Variants in PAWR observed in about 807,000 individuals in gnomAD.
PAWR encodes PRKC apoptosis WT1 regulator protein.
PAWR carries 23 observed loss-of-function variants against 32.0 expected under a neutral mutation model. The observed-to-expected ratio is 0.72, with a 90% CI of 0.52 to 1.02. The LOEUF is 1.02. Ranked by LOEUF, PAWR falls within the 50% of genes least tolerant of loss-of-function variation. The pLI, the probability that PAWR is intolerant of heterozygous loss-of-function variation, is 0.00. For synonymous variants in PAWR, 226 were observed against 187.1 expected (o/e 1.21, Z -1.70); for missense variants, 457 against 437.7 (o/e 1.04, Z -0.39).
intron 2 of PAWR, among the ~76,000 whole-genome samples, chr12:79,667,696 AT>A (rs1451582794): frequency 6.6e-6 from 1 of 152,204 alleles, no homozygotes. Flanking sequence ...GAATGGAGTA[AT>A]CTTTTAAAAA....
At chr12:79,657,681 C>T (rs898271243) in intron 2 of PAWR, among the ~76,000 whole-genome samples, 8 of 151,884 alleles carry the variant, frequency 5.3e-5, no homozygotes, top group African/African-American at 1.5e-4. Context: ...GTAGTCCCAG[C>T]GACTCGGGAG....
At chr12:79,644,207 T>C (rs1054812814) in intron 2 of PAWR, among the ~76,000 whole-genome samples, 1 of 152,164 alleles carries the variant, frequency 6.6e-6, no homozygotes, top group Non-Finnish European at 1.5e-5. Context: ...CTTGATCTCA[T>C]TTCAGGAGGA....
chr12:79,653,843 TTTAGAAAAATG>T (rs1299066192), intron 2 of PAWR, among the ~76,000 whole-genome samples: 3 of 152,244 alleles, frequency 2.0e-5, no homozygotes, highest in African/African-American at 7.2e-5. Context: ...AAATTCTTTT[TTTAGAAAAATG>T]TTAGACAAAC....
chr12:79,687,601 T>C lies in PAWR; in HGVS notation c.516+2128A>G, dbSNP rs142783865. On this transcript the variant is annotated intron_variant, in intron 2 of 6. Coordinates refer to ENST00000328827, the MANE Select transcript of PAWR (RefSeq NM_002583.4). The stretch of plus-strand genomic sequence containing the variant: ...TTACTTATTTTCATACCCGAAAAAT[T>C]TGCAAAATATGTATGACTTTTTAAA... Among the ~76,000 whole-genome samples, 494 of 152,232 alleles carry C rather than the reference T, an allele frequency of 3.2e-3. 5 individuals carry two copies. Among genetic ancestry groups the C allele is most frequent in the African/African-American group, 0.011 (442 of 41,542 alleles).
intron 2 of PAWR, among the ~76,000 whole-genome samples, chr12:79,652,074 G>A (rs1413949323): frequency 6.6e-6 from 1 of 152,148 alleles, no homozygotes; most frequent in Non-Finnish European, 1.5e-5. Flanking sequence ...GTAGAATGGT[G>A]GTTGGCCAGA....
intron 2 of PAWR, among the ~76,000 whole-genome samples, chr12:79,633,508 C>T (rs1359567335): frequency 6.6e-6 from 1 of 152,072 alleles, no homozygotes; most frequent in Admixed American, 6.6e-5. Context: ...ATAAAGTCAG[C>T]TGTTTGTTTT....
intron 4 of PAWR, among the ~76,000 whole-genome samples, chr12:79,612,158 T>C (rs1874469350): frequency 6.6e-6 from 1 of 152,154 alleles, no homozygotes; most frequent in African/African-American, 2.4e-5. Flanking sequence ...TTTTTCCAGT[T>C]TAAACTATTA....
intron 2 of PAWR, among the ~76,000 whole-genome samples, chr12:79,661,923 A>G (rs1427807536): frequency 6.6e-6 from 1 of 152,158 alleles, no homozygotes; most frequent in Non-Finnish European, 1.5e-5. Context: ...AAAATAAATA[A>G]AAACATCTCA....
intron 1 of PAWR, 187 bp downstream of exon 1, chr12:79,690,685 G>A (rs905860089): frequency 6.5e-6 from 1 of 153,512 alleles, no homozygotes; most frequent in Non-Finnish European, 1.4e-5. Context: ...ACTAGGGCTA[G>A]ACCCGCCACC....
intron 2 of PAWR, among the ~76,000 whole-genome samples, chr12:79,629,013 A>G (rs1875479720): frequency 6.6e-6 from 1 of 152,118 alleles, no homozygotes; most frequent in Non-Finnish European, 1.5e-5. Flanking sequence ...TTTAAAAGCC[A>G]ATCAAAGAGC....
chr12:79,615,178 T>A (rs1874666774), intron 3 of PAWR, among the ~76,000 whole-genome samples: 1 of 152,208 alleles, frequency 6.6e-6, no homozygotes, highest in African/African-American at 2.4e-5. Context: ...TACAGAAGCC[T>A]ATATCACTTA....
rs566855868 is a variant in PAWR, at chr12:79,648,799, A to T, written c.517-27592T>A. Among the ~76,000 whole-genome samples the T allele has an allele frequency of 2.0e-4, 30 of 151,702 alleles. 1 individual carries two copies. The highest frequency in any genetic ancestry group is 3.4e-3 in the Middle Eastern group (1 of 294). Reference sequence around the variant, plus strand: ...ATGGCTCTAACAGGGGCTAGAAAAAAAAAAATAAAAAAACCCTAAAAGGTC... The same window carrying T: ...ATGGCTCTAACAGGGGCTAGAAAAATAAAAATAAAAAAACCCTAAAAGGTC... On this transcript the variant is annotated intron_variant, in intron 2 of 6. Coordinates refer to ENST00000328827, the MANE Select transcript of PAWR (RefSeq NM_002583.4).
intron 2 of PAWR, among the ~76,000 whole-genome samples, chr12:79,685,020 G>A (rs775005576): frequency 1.3e-5 from 2 of 152,184 alleles, no homozygotes; most frequent in Non-Finnish European, 2.9e-5. Flanking sequence ...ATGCACTAAT[G>A]TATGTCAAGT....
intron 2 of PAWR, among the ~76,000 whole-genome samples, chr12:79,655,150 G>C (rs1877037237): frequency 6.6e-6 from 1 of 152,180 alleles, no homozygotes; most frequent in Non-Finnish European, 1.5e-5. Context: ...GTTAAGAATA[G>C]AATGTCAGGC....
chr12:79,613,620 A>T lies in PAWR; in HGVS notation c.649-11T>A, dbSNP rs750666643. 15 of 1,500,488 alleles carry T rather than the reference A, an allele frequency of 1.0e-5. No individual in the cohort carries two copies. In the Admixed American group the frequency reaches 1.5e-4, roughly 15 times the overall value. The allele number at this position is 1,500,488 out of a possible 1,614,324, so 92.9% of individuals were successfully genotyped here. A position where few individuals can be genotyped will look rare whatever the true frequency, so the allele number is the denominator to read the frequency against. On this transcript the variant is annotated splice_polypyrimidine_tract_variant and intron_variant, in intron 3 of 6. Coordinates refer to ENST00000328827, the MANE Select transcript of PAWR (RefSeq NM_002583.4). Reference sequence around the variant, plus strand: ...TGTTCTAGGTGGCTCCTGCAAAGTAAAAATAATTATGTATCAGTTTGAGTA... The same window carrying T: ...TGTTCTAGGTGGCTCCTGCAAAGTATAAATAATTATGTATCAGTTTGAGTA...
chr12:79,671,169 A>C (rs975776614), intron 2 of PAWR, among the ~76,000 whole-genome samples: 3 of 151,534 alleles, frequency 2.0e-5, no homozygotes, highest in Non-Finnish European at 2.9e-5. Flanking sequence ...ACATTCAAAT[A>C]CTAATTTTAA....
At chr12:79,648,087 C>T (rs936819203) in intron 2 of PAWR, among the ~76,000 whole-genome samples, 6 of 152,152 alleles carry the variant, frequency 3.9e-5, no homozygotes, top group African/African-American at 1.2e-4. Context: ...TGCTTGCCAG[C>T]GGCTCACCTC....
intron 3 of PAWR, among the ~76,000 whole-genome samples, chr12:79,617,952 G>A (rs1263866784): frequency 1.3e-5 from 2 of 152,250 alleles, no homozygotes; most frequent in South Asian, 4.1e-4. Context: ...TCCATGAGTA[G>A]CTCCCTGAGG....
At chr12:79,656,326 T>C (rs1487322137) in intron 2 of PAWR, among the ~76,000 whole-genome samples, 2 of 152,220 alleles carry the variant, frequency 1.3e-5, no homozygotes, top group Admixed American at 6.5e-5. Context: ...ATTCAACTGG[T>C]TGATACTGGT....
Sources: gnomAD v4.1 joint callset for allele counts (sites outside exome capture counted in the v4.1 genomes callset) on GRCh38, gnomAD v4.1.1 for gene constraint, MANE v1.5 for transcripts, NCBI Gene and HGNC (gene_info 2026-07-23, HGNC 2026-07-21) for gene names.